The following REV3L variants were observed in gnomAD, a reference collection of about 807,000 sequenced individuals.
REV3L encodes REV3 like, DNA directed polymerase zeta catalytic subunit, also known as DNA polymerase zeta catalytic subunit.
Under a neutral mutation model 299.4 loss-of-function variants are expected in REV3L, and 69 were observed. The observed-to-expected ratio is 0.23, with a 90% confidence interval of 0.19 to 0.28. The LOEUF is 0.28. Ranked by LOEUF, REV3L falls within the 10% of genes least tolerant of loss-of-function variation. The pLI is 1.00. For missense variants in REV3L, 3,128 were observed against 3,693.8 expected (o/e 0.85, Z 3.97); for synonymous variants, 1,238 against 1,271.4 (o/e 0.97, Z 0.56).
chr6:111,471,620 T>C (rs1184149695), intron 1 of REV3L, among the ~76,000 whole-genome samples: 1 of 152,248 alleles, frequency 6.6e-6, no homozygotes, highest in East Asian at 1.9e-4. Flanking sequence ...ATAATAATGC[T>C]ATGCTGTAGA....
chr6:111,300,024 G>A lies in REV3L; in HGVS notation c.9385C>T (p.Gln3129Ter). ...ACTGTGATATTGACAATTTAAAACT[G>A]GTCTAATAACTGCCGGAGATATGGT... ...KAPYLRQLLDQF is the reference protein window; with the variant it reads ...KAPYLRQLLD Residue 3129 changes from glutamine (Q) to a stop codon, truncating the protein, a stop_gained, in exon 32 of 32, where the codon CAG becomes TAG. Coordinates refer to ENST00000368802, the MANE Select transcript of REV3L (RefSeq NM_001372078.1). LOFTEE classifies it high-confidence loss of function. The A allele has an allele frequency of 6.2e-7, 1 of 1,612,430 alleles. No individual in the cohort carries two copies. The highest frequency in any genetic ancestry group is 8.5e-7 in the Non-Finnish European group (1 of 1,179,292).
chr6:111,424,325 G>T (rs1245364882), intron 1 of REV3L, among the ~76,000 whole-genome samples: 1 of 152,180 alleles, frequency 6.6e-6, no homozygotes, highest in South Asian at 2.1e-4. Flanking sequence ...GTAGATAAAA[G>T]TATATAGGAC....
intron 20 of REV3L, among the ~76,000 whole-genome samples, chr6:111,348,020 T>C (rs983345429): frequency 6.6e-6 from 1 of 152,200 alleles, no homozygotes; most frequent in East Asian, 1.9e-4. Flanking sequence ...CAGGCTACTC[T>C]CAAACTCCTG....
intron 1 of REV3L, among the ~76,000 whole-genome samples, chr6:111,445,210 T>C (rs1247470478): frequency 3.3e-5 from 5 of 152,126 alleles, no homozygotes; most frequent in African/African-American, 2.4e-5. Flanking sequence ...GTGGCAACAA[T>C]AGACAGTGGG....
chr6:111,318,759 G>A (rs1211746231), intron 26 of REV3L, among the ~76,000 whole-genome samples: 3 of 151,760 alleles, frequency 2.0e-5, no homozygotes, highest in Non-Finnish European at 4.4e-5. Context: ...TAGTAGAGAC[G>A]GGGTTTCTCC....
intron 1 of REV3L, among the ~76,000 whole-genome samples, chr6:111,450,388 A>G (rs1218914519): frequency 2.8e-5 from 4 of 140,398 alleles, no homozygotes; most frequent in Non-Finnish European, 4.6e-5. Flanking sequence ...CTGAGATGGG[A>G]GGACTGCTTG....
chr6:111,425,383 C>T (rs772644484), intron 1 of REV3L, among the ~76,000 whole-genome samples: 20 of 152,092 alleles, frequency 1.3e-4, no homozygotes, highest in African/African-American at 3.4e-4. Context: ...GGCACGAACC[C>T]GGCAGGCGGA....
chr6:111,324,904 C>T (rs893771823), intron 25 of REV3L, among the ~76,000 whole-genome samples: 47 of 151,444 alleles, frequency 3.1e-4, no homozygotes, highest in African/African-American at 1.1e-3. Flanking sequence ...CTCTGTCGCC[C>T]AGGCTGGAGT....
chr6:111,347,787 TA>T (rs1777174844), intron 20 of REV3L, among the ~76,000 whole-genome samples: 1 of 152,094 alleles, frequency 6.6e-6, no homozygotes, highest in Admixed American at 6.5e-5. Flanking sequence ...TGAGGCATAA[TA>T]AAACAGTGCA....
At chr6:111,381,227 T>C in intron 10 of REV3L, 98 bp downstream of exon 10, 2 of 1,243,470 alleles carry the variant, frequency 1.6e-6, no homozygotes, top group Non-Finnish European at 2.3e-6. Context: ...ACATGCAACA[T>C]TTACCTCTTC....
At chr6:111,364,044 T>C in intron 15 of REV3L, 66 bp from the exon 16 acceptor site, 3 of 1,553,646 alleles carry the variant, frequency 1.9e-6, no homozygotes, top group Non-Finnish European at 2.6e-6. Context: ...TTTCTTTTGA[T>C]TACTTATTCT....
At chr6:111,462,303 T>C (rs527319620) in intron 1 of REV3L, among the ~76,000 whole-genome samples, 1 of 152,206 alleles carries the variant, frequency 6.6e-6, no homozygotes, top group South Asian at 2.1e-4. Context: ...ACCATGTAAA[T>C]ACTAATCAAA....
chr6:111,406,622 C>G (rs564177448), intron 3 of REV3L, among the ~76,000 whole-genome samples: 3 of 151,524 alleles, frequency 2.0e-5, no homozygotes, highest in African/African-American at 7.2e-5. Flanking sequence ...AAGGGTGAGA[C>G]AGAAAAGGGG....
At chr6:111,471,365 C>A (rs1448339188) in intron 1 of REV3L, among the ~76,000 whole-genome samples, 3 of 152,172 alleles carry the variant, frequency 2.0e-5, no homozygotes, top group East Asian at 3.9e-4. Flanking sequence ...CAGGCAATTA[C>A]CTAGACTGTA....
At chr6:111,333,762 C>T (rs1453478332) in intron 22 of REV3L, among the ~76,000 whole-genome samples, 3 of 152,076 alleles carry the variant, frequency 2.0e-5, no homozygotes, top group African/African-American at 7.2e-5. Flanking sequence ...AGGCGTGAGC[C>T]ACTATGACCA....
intron 21 of REV3L, 98 bp from the exon 22 acceptor site, chr6:111,335,708 A>G (rs1452783226): frequency 8.4e-7 from 1 of 1,186,934 alleles, no homozygotes; most frequent in African/African-American, 1.6e-5. Flanking sequence ...GCTAAAAGTG[A>G]GGTTACTTAA....
At chr6:111,481,821 A>G (rs757854479) in intron 1 of REV3L, among the ~76,000 whole-genome samples, 1 of 152,180 alleles carries the variant, frequency 6.6e-6, no homozygotes, top group Non-Finnish European at 1.5e-5. Flanking sequence ...TTATATTATC[A>G]TAAGCCCCAG....
rs1327926381 is a variant in REV3L, at chr6:111,367,851, C to T, written c.5937G>A (p.Gly1979=). The T allele has an allele frequency of 6.2e-7, 1 of 1,614,110 alleles. No homozygotes were observed. Among genetic ancestry groups the T allele is most frequent in the Non-Finnish European group, 8.5e-7 (1 of 1,180,008 alleles). ...CAACCATCTTAGGGCTATTACTTGA[C>T]CCTTTATTGACAACTCCTTGGCCAC... ...LRSGQGVVNK[G]SSNSPKMVED... The change falls in exon 14 of 32, where the codon GGG becomes GGA. Residue 1979 remains glycine, a synonymous_variant. Transcript: ENST00000368802.
chr6:111,371,335 T>A (rs181763949), intron 13 of REV3L, among the ~76,000 whole-genome samples: 52 of 152,330 alleles, frequency 3.4e-4, no homozygotes, highest in Non-Finnish European at 6.0e-4. Context: ...CTCTGATTTC[T>A]ATTTTGCTAT....
Sources: gnomAD v4.1 joint callset for allele counts (sites outside exome capture counted in the v4.1 genomes callset) on GRCh38, gnomAD v4.1.1 for gene constraint, MANE v1.5 for transcripts, NCBI Gene and HGNC (gene_info 2026-07-23, HGNC 2026-07-21) for gene names.